LINGO2: variants seen among roughly 807,000 people sequenced by gnomAD.
LINGO2 encodes the protein leucine rich repeat and Ig domain containing 2.
LINGO2 carries 14 observed loss-of-function variants against 30.6 expected under a neutral mutation model. That is an observed-to-expected ratio of 0.46 (90% CI 0.30 to 0.72). LINGO2 has a LOEUF of 0.72. LINGO2 is among the 30% of genes least tolerant of loss of function. The probability of loss-of-function intolerance (pLI) is 0.07; values close to 1 mark genes in which losing one functional copy is unlikely to be tolerated. For synonymous variants in LINGO2, 317 were observed against 288.5 expected (o/e 1.10, Z -1.00); for missense variants, 729 against 751.7 (o/e 0.97, Z 0.35).
At chr9:28,096,372 T>A (rs960230026) in intron 4 of LINGO2, among the ~76,000 whole-genome samples, 1 of 152,196 alleles carries the variant, frequency 6.6e-6, no homozygotes, top group African/African-American at 2.4e-5. Flanking sequence ...TCCTTATTCA[T>A]TTTAATTTAT....
chr9:28,517,341 T>C (rs1326681275), intron 1 of LINGO2, among the ~76,000 whole-genome samples: 2 of 152,196 alleles, frequency 1.3e-5, no homozygotes, highest in Admixed American at 6.5e-5. Context: ...CTCTTTGTAA[T>C]TGAAAACATC....
chr9:28,715,800 A>G, the LINGO2 span, among the ~76,000 whole-genome samples: 1 of 152,096 alleles, frequency 6.6e-6, no homozygotes, highest in Non-Finnish European at 1.5e-5. Flanking sequence ...ATAACTTAGA[A>G]GAAAGAAAGA....
chr9:28,705,261 A>G, the LINGO2 span, among the ~76,000 whole-genome samples: 1 of 152,080 alleles, frequency 6.6e-6, no homozygotes, highest in Non-Finnish European at 1.5e-5. Flanking sequence ...GTACTAGGTA[A>G]AAGAAATTAT....
chr9:28,337,881 T>C (rs1016977102), intron 3 of LINGO2, among the ~76,000 whole-genome samples: 1 of 152,114 alleles, frequency 6.6e-6, no homozygotes, highest in Non-Finnish European at 1.5e-5. Flanking sequence ...GGGGCCCTCA[T>C]GGAGCACCTC....
At chr9:28,923,943 G>C in the LINGO2 span, among the ~76,000 whole-genome samples, 3 of 150,524 alleles carry the variant, frequency 2.0e-5, no homozygotes, top group African/African-American at 7.5e-5. Context: ...GGGGAAAAGA[G>C]GTAGGCACTG....
In LINGO2 at chr9:28,152,223, T is replaced by A. The variant is rs76846171; in HGVS notation, c.-86-139818A>T. Among the ~76,000 whole-genome samples the A allele has an allele frequency of 7.8e-3, 1,188 of 152,162 alleles. 12 individuals are homozygous for A. The highest frequency in any genetic ancestry group is 0.027 in the African/African-American group (1,135 of 41,512). On this transcript the variant is annotated intron_variant, in intron 4 of 5. Coordinates refer to ENST00000379992, the Ensembl canonical transcript of LINGO2. ...ATTCATGCCCTCTCTGGGTTCAGGG[T>A]TTGGGGAGGCAGTGAGGGATTTCTC...
chr9:28,886,673 G>A, the LINGO2 span, among the ~76,000 whole-genome samples: 1 of 152,076 alleles, frequency 6.6e-6, no homozygotes, highest in Non-Finnish European at 1.5e-5. Context: ...ACAGGTGAAA[G>A]TCTGTTTTTC....
chr9:28,709,025 CAT>C, the LINGO2 span, among the ~76,000 whole-genome samples: 3 of 152,118 alleles, frequency 2.0e-5, no homozygotes, highest in African/African-American at 4.8e-5. Context: ...TCCTCTCCCA[CAT>C]GTCTTTTAAT....
chr9:28,072,061 T>C (rs1170790847), intron 4 of LINGO2, among the ~76,000 whole-genome samples: 1 of 152,142 alleles, frequency 6.6e-6, no homozygotes, highest in African/African-American at 2.4e-5. Flanking sequence ...TACATATCAG[T>C]ATTTACTTGC....
chr9:28,400,629 G>A (rs1822225585), intron 2 of LINGO2, among the ~76,000 whole-genome samples: 1 of 152,154 alleles, frequency 6.6e-6, no homozygotes, highest in South Asian at 2.1e-4. Flanking sequence ...TATGCATAGT[G>A]TTTTGATAGC....
intron 4 of LINGO2, among the ~76,000 whole-genome samples, chr9:28,138,418 A>C (rs567274475): frequency 1.3e-5 from 2 of 152,332 alleles, no homozygotes; most frequent in Admixed American, 1.3e-4. Context: ...GTCGATGACA[A>C]AGCTGGGAAT....
At chr9:28,398,783 AT>A (rs1231193546) in intron 2 of LINGO2, among the ~76,000 whole-genome samples, 1 of 152,070 alleles carries the variant, frequency 6.6e-6, no homozygotes, top group Non-Finnish European at 1.5e-5. Context: ...ATTTCTTTAT[AT>A]TTTTATTGAT....
intron 4 of LINGO2, among the ~76,000 whole-genome samples, chr9:28,038,809 T>C (rs537729411): frequency 6.6e-6 from 1 of 152,376 alleles, no homozygotes; most frequent in African/African-American, 2.4e-5. Flanking sequence ...GCAGCCTCTT[T>C]GCATGTATTT....
chr9:28,644,662 G>T (rs1376218706), intron 1 of LINGO2, among the ~76,000 whole-genome samples: 3 of 151,762 alleles, frequency 2.0e-5, no homozygotes, highest in Non-Finnish European at 4.4e-5. Flanking sequence ...TAGTTTAATT[G>T]TTCTTTTTAA....
In LINGO2 at chr9:28,172,039, A is replaced by AC. The variant is rs1375475853; in HGVS notation, c.-87+123168_-87+123169insG. On this transcript the variant is annotated intron_variant, in intron 4 of 5. Transcript: ENST00000379992. ...CTCAAAAAAAAAAAAAAAAACAAAA[A>AC]AAAAAACCCAGCATCTCCTACCACT... Among the ~76,000 whole-genome samples the AC allele has an allele frequency of 2.9e-3, 396 of 137,884 alleles. 3 individuals are homozygous for AC. The highest frequency in any genetic ancestry group is 0.01 in the African/African-American group (375 of 36,478). The allele number at this position is 137,884 out of a possible 152,430, so 90.5% of individuals were successfully genotyped here.
chr9:29,064,477 A>C, the LINGO2 span, among the ~76,000 whole-genome samples: 4 of 152,110 alleles, frequency 2.6e-5, no homozygotes, highest in Non-Finnish European at 5.9e-5. Flanking sequence ...TCTACAGAAT[A>C]GTTTATCTAA....
the LINGO2 span, among the ~76,000 whole-genome samples, chr9:28,750,770 TACA>T: frequency 6.6e-6 from 1 of 152,072 alleles, no homozygotes; most frequent in Non-Finnish European, 1.5e-5. Context: ...TAAGATCATG[TACA>T]ACAAGTTTAG....
the LINGO2 span, among the ~76,000 whole-genome samples, chr9:28,777,469 A>G: frequency 1.3e-5 from 2 of 152,214 alleles, no homozygotes; most frequent in African/African-American, 4.8e-5. Context: ...AGTGACGATA[A>G]AAGAGATATG....
At chr9:28,922,028 G>C in the LINGO2 span, among the ~76,000 whole-genome samples, 2 of 152,074 alleles carry the variant, frequency 1.3e-5, no homozygotes, top group Non-Finnish European at 2.9e-5. Flanking sequence ...CCAGGCCCTG[G>C]ACTTTGTAAC....
Sources: allele counts gnomAD v4.1 joint callset (sites outside exome capture counted in the v4.1 genomes callset), GRCh38; gene constraint gnomAD v4.1.1; transcripts MANE v1.5; gene names NCBI Gene and HGNC (gene_info 2026-07-23, HGNC 2026-07-21).